CTNND2: variants seen among roughly 807,000 people sequenced by gnomAD.
CTNND2 encodes the protein catenin delta 2, also known as catenin delta-2.
CTNND2 carries 22 observed loss-of-function variants against 144.4 expected under a neutral mutation model. The ratio of observed to expected loss-of-function variants is 0.15; its 90% CI spans 0.11 to 0.22. The LOEUF is 0.22. Ranked by LOEUF, CTNND2 falls within the 10% of genes least tolerant of loss-of-function variation. The pLI is 1.00. For missense variants in CTNND2, 1,353 were observed against 1,618.8 expected, an observed-to-expected ratio of 0.84 and a Z score of 2.82; for synonymous variants, 751 against 695.6, an observed-to-expected ratio of 1.08 and a Z score of -1.25.
At chr5:11,274,023 C>T (rs942961113) in intron 9 of CTNND2, among the ~76,000 whole-genome samples, 3 of 152,060 alleles carry the variant, frequency 2.0e-5, no homozygotes, top group Admixed American at 6.6e-5. Flanking sequence ...TGTTTTATTT[C>T]GACTGCTCCT....
chr5:11,123,932 A>G (rs1480219495), intron 12 of CTNND2, among the ~76,000 whole-genome samples: 1 of 152,154 alleles, frequency 6.6e-6, no homozygotes, highest in Non-Finnish European at 1.5e-5. Flanking sequence ...CCCCACACAC[A>G]CCAGTTATGG....
intron 1 of CTNND2, among the ~76,000 whole-genome samples, chr5:11,808,398 CAG>C (rs1347956325): frequency 1.3e-5 from 2 of 152,130 alleles, no homozygotes; most frequent in Non-Finnish European, 2.9e-5. Context: ...AATTACAACA[CAG>C]AGCCATCAGG....
chr5:11,849,013 C>A (rs1437136691), intron 1 of CTNND2, among the ~76,000 whole-genome samples: 1 of 152,020 alleles, frequency 6.6e-6, no homozygotes, highest in Non-Finnish European at 1.5e-5. Context: ...GAAAGCAGAA[C>A]TAATAGACAG....
chr5:11,361,360 T>C (rs1581013376), intron 8 of CTNND2, among the ~76,000 whole-genome samples: 1 of 152,296 alleles, frequency 6.6e-6, no homozygotes, highest in East Asian at 1.9e-4. Flanking sequence ...CTGACTATGT[T>C]GCCCAGTCTG....
intron 11 of CTNND2, among the ~76,000 whole-genome samples, chr5:11,183,731 G>A (rs1027426658): frequency 3.3e-5 from 5 of 151,674 alleles, no homozygotes; most frequent in Non-Finnish European, 4.4e-5. Flanking sequence ...CTAATTTTTT[G>A]TATTTTTAGT....
intron 11 of CTNND2, among the ~76,000 whole-genome samples, chr5:11,176,716 G>A (rs900340611): frequency 3.9e-5 from 6 of 152,006 alleles, no homozygotes; most frequent in Non-Finnish European, 7.4e-5. Context: ...AATCTGAATT[G>A]GGCTCTACTG....
chr5:11,883,557 T>C (rs371188015), intron 1 of CTNND2, among the ~76,000 whole-genome samples: 36 of 152,292 alleles, frequency 2.4e-4, no homozygotes, highest in Admixed American at 7.2e-4. Flanking sequence ...ATATGTGCCA[T>C]ATTTTATTTA....
At chr5:11,833,854 A>G (rs150447630) in intron 1 of CTNND2, among the ~76,000 whole-genome samples, 111 of 152,276 alleles carry the variant, frequency 7.3e-4, no homozygotes, top group African/African-American at 2.6e-3. Context: ...TTTTGGCTGC[A>G]GTCACATGAT....
At chr5:11,132,405 G>A (rs955156786) in intron 12 of CTNND2, among the ~76,000 whole-genome samples, 6 of 152,138 alleles carry the variant, frequency 3.9e-5, no homozygotes, top group African/African-American at 1.4e-4. Flanking sequence ...GAGGACTTTG[G>A]GAGATGATTA....
intron 2 of CTNND2, among the ~76,000 whole-genome samples, chr5:11,719,157 C>G (rs1482016947): frequency 6.6e-6 from 1 of 152,176 alleles, no homozygotes; most frequent in Non-Finnish European, 1.5e-5. Flanking sequence ...TAAGAAAATG[C>G]TGGAGGAATC....
In CTNND2 at chr5:11,713,494, G is replaced by A. The variant is rs192820550; in HGVS notation, c.174+18642C>T. On this transcript the variant is annotated intron_variant, in intron 2 of 21. Coordinates refer to ENST00000304623, the MANE Select transcript of CTNND2 (RefSeq NM_001332.4). The stretch of plus-strand genomic sequence containing the variant: ...CTCAGGAGGTTGAGGCTGGAGAATC[G>A]CTTGAGCCCAGGAGGCAGAGGCTGC... 8.8e-3 allele frequency among the ~76,000 whole-genome samples: 1,302 copies of A among 147,498 alleles called. 10 individuals are homozygous for A. Among genetic ancestry groups the A allele is most frequent in the Non-Finnish European group, 0.015 (1,011 of 67,586 alleles).
intron 9 of CTNND2, among the ~76,000 whole-genome samples, chr5:11,301,537 T>TGCCTG (rs1749609995): frequency 6.6e-6 from 1 of 152,196 alleles, no homozygotes; most frequent in African/African-American, 2.4e-5. Context: ...TTCATCAAGC[T>TGCCTG]TTACAATCTT....
intron 3 of CTNND2, among the ~76,000 whole-genome samples, chr5:11,452,566 C>G (rs1239872091): frequency 1.3e-5 from 2 of 152,120 alleles, no homozygotes; most frequent in African/African-American, 4.8e-5. Context: ...ATACCATTAC[C>G]TCACAATGTT....
intron 14 of CTNND2, among the ~76,000 whole-genome samples, chr5:11,105,492 G>A (rs1332945871): frequency 6.6e-6 from 1 of 152,168 alleles, no homozygotes; most frequent in Non-Finnish European, 1.5e-5. Flanking sequence ...GGAACAGAGA[G>A]GTATGCTGCC....
intron 12 of CTNND2, among the ~76,000 whole-genome samples, chr5:11,129,163 T>A (rs1178276646): frequency 4.9e-5 from 1 of 20,204 alleles, no homozygotes; most frequent in Non-Finnish European, 9.1e-5. Flanking sequence ...ATACATATAT[T>A]ATATATTATA....
chr5:11,199,093 C>A (rs569759889), intron 11 of CTNND2, among the ~76,000 whole-genome samples: 1 of 152,140 alleles, frequency 6.6e-6, no homozygotes, highest in East Asian at 1.9e-4. Context: ...GAATATATAC[C>A]TTATTAGCAA....
At chr5:11,465,818 T>C (rs944697837) in intron 3 of CTNND2, among the ~76,000 whole-genome samples, 7 of 152,194 alleles carry the variant, frequency 4.6e-5, no homozygotes, top group African/African-American at 1.7e-4. Context: ...CCTTGTAAGA[T>C]TGAGGGTGTT....
chr5:11,882,973 C>T (rs1052186414), intron 1 of CTNND2, among the ~76,000 whole-genome samples: 3 of 152,088 alleles, frequency 2.0e-5, no homozygotes, highest in East Asian at 3.8e-4. Flanking sequence ...TTTGTGTCCT[C>T]TTCAGTTTCT....
intron 1 of CTNND2, among the ~76,000 whole-genome samples, chr5:11,864,467 T>C (rs1410116664): frequency 6.6e-6 from 1 of 152,158 alleles, no homozygotes; most frequent in Non-Finnish European, 1.5e-5. Context: ...AAATTGTATC[T>C]CAAAGCCTCA....
Sources: gnomAD v4.1 joint callset for allele counts (sites outside exome capture counted in the v4.1 genomes callset) on GRCh38, gnomAD v4.1.1 for gene constraint, MANE v1.5 for transcripts, NCBI Gene and HGNC (gene_info 2026-07-23, HGNC 2026-07-21) for gene names.